Variants in FREM3 observed in about 807,000 individuals in gnomAD.
The protein encoded by FREM3 is FRAS1-related extracellular matrix protein 3.
A neutral mutation model predicts 129.1 loss-of-function variants in FREM3; 105 were observed. That is an observed-to-expected ratio of 0.81 (90% CI 0.69 to 0.96). The LOEUF (loss-of-function observed/expected upper bound fraction) is 0.96. Among genes scored for constraint, FREM3 ranks in the 40% least tolerant of loss-of-function variants. The pLI is 0.00. For missense variants in FREM3, 2,593 were observed against 2,666.3 expected, an observed-to-expected ratio of 0.97 and a Z score of 0.61; for synonymous variants, 1,014 against 1,044.9, an observed-to-expected ratio of 0.97 and a Z score of 0.57.
Position 143,696,996 on chromosome 4 carries a change from T to A in FREM3, c.3680A>T (p.Glu1227Val), listed in dbSNP as rs1228823170. ...NGADADLPPN[E>V]LHFQLTALPR... Reference sequence around the variant, plus strand: ...GAGGGCTGTGAGTTGAAAGTGGAGCTCATTTGGTGGCAGGTCAGCATCTGC... The same window carrying A: ...GAGGGCTGTGAGTTGAAAGTGGAGCACATTTGGTGGCAGGTCAGCATCTGC... Residue 1227 changes from glutamate to valine, a missense_variant, in exon 1 of 8, where the codon GAG becomes GTG. This residue lies in a region of FREM3 where 2,276 missense variants were observed against 2,267.2 expected (regional missense o/e 1.00). Transcript: ENST00000329798. 3 of 1,537,564 alleles carry A rather than the reference T, an allele frequency of 2.0e-6. No individual in the cohort carries two copies. The East Asian group carries it at 7.3e-5, about 38-fold the overall frequency.
At chr4:143,664,116 C>T (rs550692609) in intron 2 of FREM3, among the ~76,000 whole-genome samples, 39 of 152,256 alleles carry the variant, frequency 2.6e-4, no homozygotes, top group Middle Eastern at 3.4e-3. Flanking sequence ...CGCTTTGTTC[C>T]GTTGCTGGTG....
intron 2 of FREM3, among the ~76,000 whole-genome samples, chr4:143,660,209 G>A (rs201329994): frequency 4.5e-4 from 66 of 147,818 alleles, no homozygotes; most frequent in South Asian, 1.1e-3. Context: ...GGTTTTTAAT[G>A]GTTTTAGGTC....
chr4:143,638,951 G>T (rs1236177438), intron 2 of FREM3, among the ~76,000 whole-genome samples: 1 of 152,076 alleles, frequency 6.6e-6, no homozygotes, highest in Admixed American at 6.6e-5. Flanking sequence ...TCTTGTGATT[G>T]CTGTGTGAAA....
At chr4:143,687,598 A>T (rs998349044) in intron 2 of FREM3, among the ~76,000 whole-genome samples, 2 of 152,220 alleles carry the variant, frequency 1.3e-5, no homozygotes, top group Non-Finnish European at 2.9e-5. Context: ...ATGGACATAG[A>T]TGCTAAAATT....
chr4:143,659,242 C>G (rs992569669), intron 2 of FREM3, among the ~76,000 whole-genome samples: 6 of 151,912 alleles, frequency 3.9e-5, no homozygotes, highest in East Asian at 1.9e-4. Context: ...ATCCCTCCCC[C>G]CTACCCCCAC....
intron 2 of FREM3, among the ~76,000 whole-genome samples, chr4:143,638,703 T>G (rs1739273878): frequency 6.6e-6 from 1 of 152,038 alleles, no homozygotes; most frequent in African/African-American, 2.4e-5. Context: ...GACACCAGAG[T>G]TTGCTGTGTC....
chr4:143,688,494 C>G (rs1740406641), intron 2 of FREM3, among the ~76,000 whole-genome samples: 1 of 151,976 alleles, frequency 6.6e-6, no homozygotes, highest in South Asian at 2.1e-4. Context: ...AAAATACCAC[C>G]ATAATTATTC....
intron 2 of FREM3, among the ~76,000 whole-genome samples, chr4:143,674,106 CACTGTCCAACA>C (rs1420423001): frequency 6.6e-6 from 1 of 152,132 alleles, no homozygotes; most frequent in Non-Finnish European, 1.5e-5. Context: ...GTCCAGCACC[CACTGTCCAACA>C]AGCCCCAGTG....
chr4:143,585,975 C>T lies in FREM3; in HGVS notation c.6047G>A (p.Gly2016Glu), dbSNP rs1441605989. The change falls in exon 7 of 8, where the codon GGG becomes GAG. Residue 2016 changes from glycine (G) to glutamate (E), a missense_variant. Physicochemically the swap from Gly to Glu is moderately conservative, Grantham distance 98. This residue lies in a region of FREM3 where 317 missense variants were observed against 399.0 expected (regional missense o/e 0.79). Coordinates refer to ENST00000329798, the MANE Select transcript of FREM3 (RefSeq NM_001168235.2). The surrounding 1 kb of genome is among the most constrained non-coding windows in gnomAD (Gnocchi z 4.2). ...TTCATTGACGTGATATTCAGCATCCCCAAAGTGCAGGACAGGTTCTAAAGA... is the reference window on the plus strand; with the variant it reads ...TTCATTGACGTGATATTCAGCATCCTCAAAGTGCAGGACAGGTTCTAAAGA... ...DRYDEPVLHFGDAEYHVNESA... is the reference protein window; with the variant it reads ...DRYDEPVLHFEDAEYHVNESA... 2.0e-6 allele frequency: 3 copies of T among 1,537,528 alleles called. No individual in the cohort carries two copies. Among genetic ancestry groups the T allele is most frequent in the Non-Finnish European group, 2.6e-6 (3 of 1,147,008 alleles).
At chr4:143,657,795 A>G (rs923080911) in intron 2 of FREM3, among the ~76,000 whole-genome samples, 4 of 152,122 alleles carry the variant, frequency 2.6e-5, no homozygotes, top group African/African-American at 9.7e-5. Context: ...AGCCATAGGC[A>G]TAGTAAATAC....
intron 2 of FREM3, among the ~76,000 whole-genome samples, chr4:143,670,591 A>G (rs933701888): frequency 1.3e-5 from 2 of 152,152 alleles, no homozygotes; most frequent in African/African-American, 2.4e-5. Flanking sequence ...GACGTTTTTA[A>G]AATTGACGTA....
Position 143,696,512 on chromosome 4 carries a change from G to C in FREM3, c.4164C>G (p.Ile1388Met). The C allele has an allele frequency of 6.5e-7, 1 of 1,537,560 alleles. No homozygotes were observed. The highest frequency in any genetic ancestry group is 2.0e-5 in the Admixed American group (1 of 51,012). The stretch of plus-strand genomic sequence containing the variant: ...CAACAATCCCTTCTTGGCCTGTGTG[G>C]ATATAGCAGATGAGGCCTCTGTTAA... ...DEINRGLICY[I>M]HTGQEGIVDI... The change falls in exon 1 of 8, where the codon ATC becomes ATG. Residue 1388 changes from isoleucine (I) to methionine (M), a missense_variant. By Grantham distance (10) the Ile-to-Met change is conservative. Transcript: ENST00000329798.
intron 3 of FREM3, among the ~76,000 whole-genome samples, chr4:143,624,935 T>C (rs1043205648): frequency 8.5e-5 from 13 of 152,220 alleles, no homozygotes; most frequent in African/African-American, 3.1e-4. Context: ...TGTTTCCTCA[T>C]ATGTTTAGTG....
intron 2 of FREM3, among the ~76,000 whole-genome samples, chr4:143,661,146 A>T (rs1739712170): frequency 6.6e-6 from 1 of 152,194 alleles, no homozygotes; most frequent in Non-Finnish European, 1.5e-5. Flanking sequence ...GAGAGAGGGC[A>T]TCCCTGTCTT....
chr4:143,614,234 T>C (rs143127853), intron 5 of FREM3, among the ~76,000 whole-genome samples: 1 of 152,350 alleles, frequency 6.6e-6, no homozygotes, highest in East Asian at 1.9e-4. Flanking sequence ...GGAACATTCC[T>C]TTTAGGATTC....
intron 2 of FREM3, 133 bp from the exon 3 acceptor site, chr4:143,627,893 G>T (rs543539624): frequency 3.1e-6 from 2 of 640,068 alleles, no homozygotes; most frequent in South Asian, 4.0e-5. Context: ...TATTTTTTTG[G>T]TAGAGAGAGG....
Position 143,696,397 on chromosome 4 carries a change from G to T in FREM3, c.4279C>A (p.Pro1427Thr). 6.5e-7 allele frequency: 1 copy of T among 1,537,432 alleles called. No homozygotes were observed. Residue 1427 changes from proline to threonine, a missense_variant, in exon 1 of 8, where the codon CCT (proline) becomes ACT (threonine). Transcript: ENST00000329798. ...GTGATCCTTTTGCTGATTACCTCAG[G>T]GAAGACGCTGTCTAAGTTGCCAATG... Reference protein sequence around the residue: ...VTIGNLDSVFPEVISKRITLI... With the variant: ...VTIGNLDSVFTEVISKRITLI...
At chr4:143,678,580 G>C (rs1423935303) in intron 2 of FREM3, among the ~76,000 whole-genome samples, 7 of 151,702 alleles carry the variant, frequency 4.6e-5, no homozygotes, top group Admixed American at 4.6e-4. Flanking sequence ...AAAAGCCTGT[G>C]TTTGAAGCAA....
chr4:143,608,414 T>C (rs1738701380), intron 6 of FREM3, among the ~76,000 whole-genome samples: 1 of 152,152 alleles, frequency 6.6e-6, no homozygotes, highest in South Asian at 2.1e-4. Context: ...TCCCATTAAA[T>C]TGCTTGTTTA....
Sources: allele counts gnomAD v4.1 joint callset (sites outside exome capture counted in the v4.1 genomes callset), GRCh38; gene constraint gnomAD v4.1.1; regional missense constraint gnomAD v4.1.1; non-coding constraint Gnocchi (gnomAD v3.1); transcripts MANE v1.5; gene names NCBI Gene and HGNC (gene_info 2026-07-23, HGNC 2026-07-21).